The following STRN4 variants were observed in gnomAD, a reference collection of about 807,000 sequenced individuals.
The protein encoded by STRN4 is striatin-4.
Under a neutral mutation model 77.9 loss-of-function variants are expected in STRN4, and 27 were observed. That is an observed-to-expected ratio of 0.35 (90% CI 0.26 to 0.48). The LOEUF is 0.48. STRN4 is among the 20% of genes least tolerant of loss of function. STRN4 has a pLI of 0.99. For synonymous variants in STRN4, 466 were observed against 443.1 expected, an observed-to-expected ratio of 1.05 and a Z score of -0.65; for missense variants, 798 against 1,049.7, an observed-to-expected ratio of 0.76 and a Z score of 3.31.
chr19:46,740,869 G>A (rs760840772), intron 1 of STRN4, among the ~76,000 whole-genome samples: 10 of 152,132 alleles, frequency 6.6e-5, no homozygotes, highest in East Asian at 1.9e-4. Context: ...GACAAGAGGC[G>A]ACAATTCAGC....
chr19:46,730,618 C>G (rs1424431674), intron 6 of STRN4, 114 bp downstream of exon 6: 2 of 1,486,692 alleles, frequency 1.3e-6, no homozygotes, highest in Non-Finnish European at 1.8e-6. Context: ...TGTGTGTCTC[C>G]ATATCCCTGC....
At chr19:46,727,369 G>T in intron 9 of STRN4, 83 bp downstream of exon 9, 2 of 1,192,692 alleles carry the variant, frequency 1.7e-6, no homozygotes, top group Non-Finnish European at 1.2e-6. Context: ...CAGGGCACGG[G>T]CGGCACCCAG....
Position 46,728,778 on chromosome 19 carries a change from C to A in STRN4, c.880-1G>T. The stretch of plus-strand genomic sequence containing the variant: ...CGGGCACCAGAGCCTTGGATGGGAG[C>A]TGGCACATGGAGAAAGCCAGACAAG... On this transcript the variant is annotated splice_acceptor_variant, in intron 6 of 17. Transcript: ENST00000263280. LOFTEE classifies it high-confidence loss of function. 1.2e-6 allele frequency: 2 copies of A among 1,613,976 alleles called. No individual in the cohort carries two copies. The highest frequency in any genetic ancestry group is 1.7e-6 in the Non-Finnish European group (2 of 1,179,862).
intron 12 of STRN4, among the ~76,000 whole-genome samples, chr19:46,724,249 C>CAAAAAAAAAA (rs71970589): frequency 0.021 from 1,823 of 87,010 alleles, 144 homozygotes; most frequent in East Asian, 0.028. Flanking sequence ...CTCTTTGTCT[C>CAAAAAAAAAA]AAAAAAAAAA....
Position 46,720,601 on chromosome 19 carries a change from A to C in STRN4, c.*1T>G. The C allele has an allele frequency of 6.4e-7, 1 of 1,568,616 alleles. No individual in the cohort carries two copies. The highest frequency in any genetic ancestry group is 8.7e-7 in the Non-Finnish European group (1 of 1,152,322). ...GCGGCCAGGGCAGGGCCAGGTGGGC[A>C]TCATACGAAGACCTTGGCCAGGGCA... On this transcript the variant is annotated 3_prime_UTR_variant, in exon 17 of 18. Coordinates refer to ENST00000263280, the MANE Select transcript of STRN4 (RefSeq NM_013403.3).
chr19:46,728,561 C>T, intron 7 of STRN4, 57 bp downstream of exon 7: 3 of 1,578,506 alleles, frequency 1.9e-6, no homozygotes, highest in Non-Finnish European at 2.6e-6. Flanking sequence ...GCTGAGCCTG[C>T]TCCCACCCCC....
Position 46,730,753 on chromosome 19 carries a change from C to T in STRN4, c.858G>A (p.Gln286=). 6.2e-7 allele frequency: 1 copy of T among 1,612,586 alleles called. No homozygotes were observed. The part of the protein sequence containing the change: ...SDEDDELDSV[Q]HKKQRVKLPS... ...TCACCTTCACACGCTGCTTCTTGTG[C>T]TGCACGCTGTCCAGCTCATCGTCCT... is the stretch of plus-strand genomic sequence containing the variant. The change falls in exon 6 of 18, where the codon CAG becomes CAA. Residue 286 remains glutamine, a synonymous_variant. Coordinates refer to ENST00000263280, the MANE Select transcript of STRN4 (RefSeq NM_013403.3).
At chr19:46,740,065 T>G (rs1317891810) in intron 1 of STRN4, 2 of 152,218 alleles carry the variant, frequency 1.3e-5, no homozygotes, top group African/African-American at 4.8e-5. Context: ...GGTGGGCAGA[T>G]GACTTGAGGT....
chr19:46,724,900 T>C lies in STRN4; in HGVS notation c.1501A>G (p.Ser501Gly), dbSNP rs748160646. The change falls in exon 12 of 18, where the codon AGC becomes GGC. Residue 501 changes from serine (S) to glycine (G), a missense_variant. Coordinates refer to ENST00000263280, the MANE Select transcript of STRN4 (RefSeq NM_013403.3). ...CCACTGTAGCAGTATTCACTGTTGC[T>C]GCCCATAGCCACAGCCAACACTGGG... ...RGPVLAVAMG[S>G]NSEYCYSGGA... 25 of 1,613,956 alleles carry C rather than the reference T, an allele frequency of 1.5e-5. No individual in the cohort carries two copies. The highest frequency in any genetic ancestry group is 2.2e-5 in the South Asian group (2 of 91,084).
At chr19:46,732,784 G>A (rs368948674) in intron 5 of STRN4, 2 of 482,458 alleles carry the variant, frequency 4.1e-6, no homozygotes, top group East Asian at 3.6e-5. Flanking sequence ...ACCGAGAAGC[G>A]GGCAGGCCTG....
chr19:46,729,263 C>T (rs1461515334), intron 6 of STRN4, among the ~76,000 whole-genome samples: 5 of 152,198 alleles, frequency 3.3e-5, no homozygotes, highest in African/African-American at 1.2e-4. Flanking sequence ...ACTTAACCCC[C>T]AACCCTGCGA....
In STRN4 at chr19:46,722,363, G is replaced by C. The variant is rs769487466; in HGVS notation, c.1907-23C>G. Reference sequence around the variant, plus strand: ...GACCTGAAGGAAAACGCAGGAAGAGGGAAGGATGTCAAGCAGAAAATCAGG... The same window carrying C: ...GACCTGAAGGAAAACGCAGGAAGAGCGAAGGATGTCAAGCAGAAAATCAGG... On this transcript the variant is annotated intron_variant, in intron 14 of 17. Transcript: ENST00000263280. 18 of 1,609,110 alleles carry C rather than the reference G, an allele frequency of 1.1e-5. No homozygotes were observed. The East Asian group carries it at 3.8e-4, about 34-fold the overall frequency.
intron 14 of STRN4, among the ~76,000 whole-genome samples, chr19:46,722,542 A>C (rs1444339518): frequency 1.3e-5 from 2 of 152,048 alleles, no homozygotes; most frequent in East Asian, 3.9e-4. Context: ...GCGGGGGAAG[A>C]GGAATAACAA....
chr19:46,738,658 C>A lies in STRN4; in HGVS notation c.386+127G>T. On this transcript the variant is annotated intron_variant, in intron 2 of 17. Transcript: ENST00000263280. This position sits in a 1 kb window ranked among gnomAD's most constrained non-coding sequence, Gnocchi z 4.5. ...GTTTCTCCCCTAGAATCTTATGGTA[C>A]TGGAATGATGGAAAAGAATGTCGAC... is the stretch of plus-strand genomic sequence containing the variant. 1.1e-6 allele frequency: 1 copy of A among 895,228 alleles called. No individual in the cohort carries two copies. 55.5% of individuals were successfully genotyped at this position (895,228 alleles called of 1,614,324 possible). A position where few individuals can be genotyped will look rare whatever the true frequency, so the allele number is the denominator to read the frequency against.
chr19:46,738,760 G>A lies in STRN4; in HGVS notation c.386+25C>T. On this transcript the variant is annotated intron_variant, in intron 2 of 17. Transcript: ENST00000263280. The surrounding 1 kb of genome is among the most constrained non-coding windows in gnomAD (Gnocchi z 4.5). ...GTGCTTGAGACGGACCCAGAAGGCA[G>A]GCCCAGGGCAGGATGAAGGCTCACC... 2 of 1,612,488 alleles carry A rather than the reference G, an allele frequency of 1.2e-6. No homozygotes were observed. Among genetic ancestry groups the A allele is most frequent in the Admixed American group, 1.7e-5 (1 of 60,006 alleles).
chr19:46,724,249 C>CAAG (rs1491491374), intron 12 of STRN4, among the ~76,000 whole-genome samples: 30 of 87,180 alleles, frequency 3.4e-4, no homozygotes, highest in African/African-American at 1.5e-3. Flanking sequence ...CTCTTTGTCT[C>CAAG]AAAAAAAAAA....
Position 46,727,898 on chromosome 19 carries a change from A to C in STRN4, c.1149T>G (p.His383Gln). The change falls in exon 8 of 18, where the codon CAT becomes CAG. Residue 383 changes from histidine (H) to glutamine (Q), a missense_variant. His to Gln is a conservative substitution (Grantham distance 24, BLOSUM62 0). Coordinates refer to ENST00000263280, the MANE Select transcript of STRN4 (RefSeq NM_013403.3). ...PPPGTPQPRPHEDVFIMDTIG... is the reference protein window; with the variant it reads ...PPPGTPQPRPQEDVFIMDTIG... ...CAGGTGGGGGGTGCCTCTTACCTTCATGTGGCCGGGGCTGGGGTGTGCCAG... is the reference window on the plus strand; with the variant it reads ...CAGGTGGGGGGTGCCTCTTACCTTCCTGTGGCCGGGGCTGGGGTGTGCCAG... 1 of 1,602,980 alleles carries C rather than the reference A, an allele frequency of 6.2e-7. No homozygotes were observed. The highest frequency in any genetic ancestry group is 1.1e-5 in the South Asian group (1 of 89,630).
At position 46,725,343 on chromosome 19, in the gene STRN4, G is replaced by A; in HGVS notation, c.1461C>T (p.Phe487=). 2 of 1,614,182 alleles carry A rather than the reference G, an allele frequency of 1.2e-6. No individual in the cohort carries two copies. Among genetic ancestry groups the A allele is most frequent in the Middle Eastern group, 1.6e-4 (1 of 6,062 alleles). The change falls in exon 11 of 18, where the codon TTC becomes TTT. Residue 487 remains phenylalanine, a synonymous_variant. Coordinates refer to ENST00000263280, the MANE Select transcript of STRN4 (RefSeq NM_013403.3). ...GGGCACCTCCCTACCTGTGAGCCCG[G>A]AAAGCATGTATAGGTTCCACATCTA... The part of the protein sequence containing the change: ...AALDVEPIHA[F]RAHRGPVLAV...
chr19:46,728,946 C>A, intron 6 of STRN4, 169 bp from the exon 7 acceptor site: 1 of 922,166 alleles, frequency 1.1e-6, no homozygotes, highest in Non-Finnish European at 1.6e-6. Context: ...CCTTGGACAG[C>A]TGCTACCACT....
Sources: allele counts gnomAD v4.1 joint callset (sites outside exome capture counted in the v4.1 genomes callset), GRCh38; gene constraint gnomAD v4.1.1; non-coding constraint Gnocchi (gnomAD v3.1); transcripts MANE v1.5; gene names NCBI Gene and HGNC (gene_info 2026-07-23, HGNC 2026-07-21).